Variants in ARMC8 observed in about 807,000 individuals in gnomAD.
ARMC8 encodes the protein armadillo repeat-containing protein 8.
ARMC8 carries 20 observed loss-of-function variants against 99.3 expected under a neutral mutation model. That is an observed-to-expected ratio of 0.20 (90% CI 0.14 to 0.29). ARMC8 has a LOEUF of 0.29. ARMC8 is among the 10% of genes least tolerant of loss of function. ARMC8 has a pLI of 1.00. For missense variants in ARMC8, 569 were observed against 809.5 expected (o/e 0.70, Z 3.60); for synonymous variants, 263 against 278.3 (o/e 0.95, Z 0.55).
At chr3:138,200,196 A>G (rs1424812796) in intron 1 of ARMC8, among the ~76,000 whole-genome samples, 1 of 152,264 alleles carries the variant, frequency 6.6e-6, no homozygotes, top group Non-Finnish European at 1.5e-5. Context: ...AATTTATAAC[A>G]TCATTTAAAC....
intron 12 of ARMC8, among the ~76,000 whole-genome samples, chr3:138,247,688 T>G (rs1177099113): frequency 6.6e-6 from 1 of 152,198 alleles, no homozygotes; most frequent in East Asian, 1.9e-4. Context: ...TGGCCTCTCT[T>G]CATATAATTG....
chr3:138,280,638 C>T (rs1005641786), intron 18 of ARMC8, among the ~76,000 whole-genome samples: 14 of 151,784 alleles, frequency 9.2e-5, no homozygotes, highest in African/African-American at 2.4e-4. Context: ...GGATTATAGG[C>T]GCCTGCCACC....
intron 21 of ARMC8, among the ~76,000 whole-genome samples, chr3:138,294,754 CTT>C (rs1430114024): frequency 5.3e-5 from 8 of 152,128 alleles, no homozygotes; most frequent in Non-Finnish European, 1.0e-4. Flanking sequence ...TCTTTAGAAA[CTT>C]TACCATGTTT....
chr3:138,248,199 T>A (rs2046968250), intron 12 of ARMC8, among the ~76,000 whole-genome samples: 1 of 152,168 alleles, frequency 6.6e-6, no homozygotes, highest in African/African-American at 2.4e-5. Flanking sequence ...CCAGAAAAGA[T>A]GGAGGATCAC....
At chr3:138,272,841 C>T (rs181349903) in intron 16 of ARMC8, 126 bp from the exon 17 acceptor site, 2 of 850,696 alleles carry the variant, frequency 2.4e-6, no homozygotes, top group Non-Finnish European at 3.3e-6. Context: ...CACTGCACAC[C>T]AGCCTGGGCG....
At chr3:138,219,594 G>C (rs1559941691) in intron 2 of ARMC8, among the ~76,000 whole-genome samples, 1 of 152,178 alleles carries the variant, frequency 6.6e-6, no homozygotes, top group African/African-American at 2.4e-5. Context: ...GCTTAATCCT[G>C]TTAATCCTTT....
chr3:138,194,186 G>A (rs111741873), intron 1 of ARMC8, among the ~76,000 whole-genome samples: 4,279 of 150,904 alleles, frequency 0.028, 180 homozygotes, highest in African/African-American at 0.097. Context: ...GGGACTACAG[G>A]CACCCACTGC....
At chr3:138,256,276 GCTTAT>G (rs1380357733) in intron 12 of ARMC8, among the ~76,000 whole-genome samples, 2 of 151,986 alleles carry the variant, frequency 1.3e-5, no homozygotes, top group Non-Finnish European at 2.9e-5. Flanking sequence ...GTTTTTCTTG[GCTTAT>G]CTTTTCACTG....
Position 138,255,873 on chromosome 3 carries a change from A to G in ARMC8, c.1135-7866A>G, listed in dbSNP as rs182526063. 2.6e-5 allele frequency among the ~76,000 whole-genome samples: 4 copies of G among 152,268 alleles called. No homozygotes were observed. In the East Asian group the frequency reaches 7.8e-4, roughly 30 times the overall value. ...CATGCACCTATAATCTCAGTTACTC[A>G]GGAGGCTGAGGTGGGAGAATCGCTC... On this transcript the variant is annotated intron_variant, in intron 12 of 21. Coordinates refer to ENST00000469044, the MANE Select transcript of ARMC8 (RefSeq NM_001363941.2).
intron 6 of ARMC8, among the ~76,000 whole-genome samples, chr3:138,234,221 C>T (rs2046213945): frequency 6.6e-6 from 1 of 152,050 alleles, no homozygotes; most frequent in African/African-American, 2.4e-5. Context: ...AAGCAATTCT[C>T]CTGCCTCAGC....
At chr3:138,248,997 G>C (rs1270231530) in intron 12 of ARMC8, among the ~76,000 whole-genome samples, 1 of 152,174 alleles carries the variant, frequency 6.6e-6, no homozygotes, top group African/African-American at 2.4e-5. Flanking sequence ...CGAGGAACTA[G>C]AATGTAAGCT....
chr3:138,223,895 G>A (rs1164051792), intron 5 of ARMC8, among the ~76,000 whole-genome samples, 162 bp downstream of exon 5: 1 of 152,044 alleles, frequency 6.6e-6, no homozygotes, highest in Non-Finnish European at 1.5e-5. Flanking sequence ...AGGCTGAGGT[G>A]GGAGGATTGC....
Position 138,241,917 on chromosome 3 carries a change from C to G in ARMC8, c.972C>G (p.Leu324=). 1 of 1,614,054 alleles carries G rather than the reference C, an allele frequency of 6.2e-7. No individual in the cohort carries two copies. Among genetic ancestry groups the G allele is most frequent in the Non-Finnish European group, 8.5e-7 (1 of 1,179,970 alleles). ...LQRIASITDH[L]IAMLADYFKY... Reference sequence around the variant, plus strand: ...GAATCGCTAGCATAACTGATCACCTCATTGCCATGCTTGCTGATTATTTCA... The same window carrying G: ...GAATCGCTAGCATAACTGATCACCTGATTGCCATGCTTGCTGATTATTTCA... The change falls in exon 11 of 22, where the codon CTC becomes CTG. Residue 324 remains leucine (L), a synonymous_variant. Coordinates refer to ENST00000469044, the MANE Select transcript of ARMC8 (RefSeq NM_001363941.2).
At chr3:138,251,577 A>G (rs187943722) in intron 12 of ARMC8, among the ~76,000 whole-genome samples, 279 of 152,344 alleles carry the variant, frequency 1.8e-3, no homozygotes, top group Non-Finnish European at 3.0e-3. Context: ...AAAGAATTTT[A>G]TGTGAACCTT....
At chr3:138,239,224 T>G (rs879794819) in intron 9 of ARMC8, 4 of 390,548 alleles carry the variant, frequency 1.0e-5, no homozygotes, top group African/African-American at 8.5e-5. Context: ...TTAAAACTAT[T>G]TGGTAGGTTT....
intron 11 of ARMC8, among the ~76,000 whole-genome samples, chr3:138,244,572 C>T (rs1217175776): frequency 6.6e-6 from 1 of 152,196 alleles, no homozygotes; most frequent in Non-Finnish European, 1.5e-5. Context: ...GCCACCGCGC[C>T]CGGCCTCTAA....
At chr3:138,216,579 A>G (rs16847928) in intron 2 of ARMC8, among the ~76,000 whole-genome samples, 2,282 of 152,346 alleles carry the variant, frequency 0.015, 62 homozygotes, top group African/African-American at 0.053. Flanking sequence ...TTACAATTAC[A>G]GGGACAGAGC....
intron 2 of ARMC8, among the ~76,000 whole-genome samples, chr3:138,217,080 C>T (rs2045093257): frequency 6.6e-6 from 1 of 152,086 alleles, no homozygotes; most frequent in Admixed American, 6.5e-5. Context: ...TAAACTATAC[C>T]ATATAGTCTA....
intron 2 of ARMC8, among the ~76,000 whole-genome samples, chr3:138,212,140 C>A (rs1384919879): frequency 6.6e-6 from 1 of 151,916 alleles, no homozygotes; most frequent in African/African-American, 2.4e-5. Flanking sequence ...TAATACTGAT[C>A]TTATGGAGAT....
Sources: allele counts gnomAD v4.1 joint callset (sites outside exome capture counted in the v4.1 genomes callset), GRCh38; gene constraint gnomAD v4.1.1; transcripts MANE v1.5; gene names NCBI Gene and HGNC (gene_info 2026-07-23, HGNC 2026-07-21).